The following DCAF8L2 variants were observed in gnomAD, a reference collection of about 807,000 sequenced individuals.
The protein encoded by DCAF8L2 is DDB1- and CUL4-associated factor 8-like protein 2.
For synonymous variants in DCAF8L2, 200 were observed against 190.9 expected, an observed-to-expected ratio of 1.05 and a Z score of -0.39; for missense variants, 430 against 490.7, an observed-to-expected ratio of 0.88 and a Z score of 1.17.
At chrX:27,533,228 AAGAAAG>A in the DCAF8L2 span, among the ~76,000 whole-genome samples, 946 of 42,676 alleles carry the variant, frequency 0.022, 63 homozygotes, top group East Asian at 0.026. Flanking sequence ...GAAAGAAAGA[AAGAAAG>A]AGAAAGAAAG....
At chrX:27,693,660 C>T (rs758799934) in intron 3 of DCAF8L2, among the ~76,000 whole-genome samples, 1 of 111,355 alleles carries the variant, frequency 9.0e-6, no homozygotes, top group East Asian at 2.8e-4. Flanking sequence ...ACCACAATGA[C>T]ATATTATCTC....
the DCAF8L2 span, among the ~76,000 whole-genome samples, chrX:27,508,667 T>C: frequency 9.6e-6 from 1 of 103,942 alleles, no homozygotes; most frequent in Non-Finnish European, 2.0e-5. Flanking sequence ...TTTTGACTTG[T>C]TAATGAAGTC....
At chrX:27,502,336 ATATATATATATATATATAT>A in the DCAF8L2 span, among the ~76,000 whole-genome samples, 1 of 10,905 alleles carries the variant, frequency 9.2e-5, no homozygotes, top group Non-Finnish European at 1.7e-4. Flanking sequence ...AAAAAAAAAA[ATATATATATATATATATAT>A]ATATATATAT....
the DCAF8L2 span, among the ~76,000 whole-genome samples, chrX:27,577,294 G>A: frequency 9.0e-6 from 1 of 111,355 alleles, no homozygotes; most frequent in Non-Finnish European, 1.9e-5. Context: ...TATGTCTCTT[G>A]GTATTGCCAG....
At chrX:27,514,294 CATATGTGCACATATGTGT>C in the DCAF8L2 span, among the ~76,000 whole-genome samples, 1 of 59,057 alleles carries the variant, frequency 1.7e-5, no homozygotes, top group African/African-American at 4.1e-5. Context: ...TATGTGTGTG[CATATGTGCACATATGTGT>C]ATATGGTAAT....
At chrX:27,701,074 C>T (rs5926481) in intron 3 of DCAF8L2, among the ~76,000 whole-genome samples, 56,041 of 109,956 alleles carry the variant, frequency 0.51, 10,723 homozygotes, top group African/African-American at 0.67. Context: ...CAGGAGGCTT[C>T]TTCATGATAG....
At chrX:27,546,701 C>T in the DCAF8L2 span, among the ~76,000 whole-genome samples, 1 of 112,608 alleles carries the variant, frequency 8.9e-6, no homozygotes, top group Non-Finnish European at 1.9e-5. Flanking sequence ...GGCTGTTACC[C>T]TCTGAAGCAA....
intron 1 of DCAF8L2, among the ~76,000 whole-genome samples, chrX:27,609,069 T>G (rs1424890224): frequency 9.0e-6 from 1 of 111,688 alleles, no homozygotes; most frequent in African/African-American, 3.3e-5. Flanking sequence ...AGACTTAACA[T>G]GTATTATGCT....
chrX:27,623,873 C>G (rs1226619398), intron 1 of DCAF8L2, among the ~76,000 whole-genome samples: 1 of 111,701 alleles, frequency 9.0e-6, no homozygotes, highest in Non-Finnish European at 1.9e-5. Flanking sequence ...AAAGCTACAA[C>G]ATTGAAATTG....
chrX:27,561,058 C>T, the DCAF8L2 span, among the ~76,000 whole-genome samples: 1,018 of 112,125 alleles, frequency 9.1e-3, 8 homozygotes, highest in African/African-American at 0.032. Context: ...GTGAAATATG[C>T]TGCTTTTAGA....
At chrX:27,736,259 T>A (rs917106309) in intron 4 of DCAF8L2, among the ~76,000 whole-genome samples, 14 of 111,683 alleles carry the variant, frequency 1.3e-4, no homozygotes, top group Non-Finnish European at 2.6e-4. Context: ...TTCCCGGCAG[T>A]CAACAATGAA....
chrX:27,533,206 GAAAGAAAGAA>G, the DCAF8L2 span, among the ~76,000 whole-genome samples: 3 of 48,721 alleles, frequency 6.2e-5, 1 homozygote, highest in African/African-American at 1.6e-4. Context: ...AAGAAAGAAA[GAAAGAAAGAA>G]AGAAAGAAAG....
the DCAF8L2 span, among the ~76,000 whole-genome samples, chrX:27,480,073 C>G: frequency 3.6e-5 from 4 of 112,649 alleles, no homozygotes; most frequent in African/African-American, 1.3e-4. Flanking sequence ...CACACCACCA[C>G]ATTAACTGTG....
At chrX:27,503,567 A>AT in the DCAF8L2 span, among the ~76,000 whole-genome samples, 1 of 109,628 alleles carries the variant, frequency 9.1e-6, no homozygotes, top group Non-Finnish European at 1.9e-5. Context: ...ATTGAATTGC[A>AT]TTTTCACTTT....
chrX:27,705,084 C>G, intron 3 of DCAF8L2, among the ~76,000 whole-genome samples: 1 of 110,525 alleles, frequency 9.0e-6, no homozygotes, highest in Non-Finnish European at 1.9e-5. Context: ...TGTTAGTTTT[C>G]AAAAGAAAAT....
intron 3 of DCAF8L2, among the ~76,000 whole-genome samples, chrX:27,699,048 GATTAT>G (rs1206373310): frequency 1.8e-5 from 2 of 111,720 alleles, no homozygotes; most frequent in African/African-American, 6.5e-5. Flanking sequence ...AAGCCATGGT[GATTAT>G]ATTATAACAA....
the DCAF8L2 span, among the ~76,000 whole-genome samples, chrX:27,560,267 CAAAAA>C: frequency 1.2e-5 from 1 of 81,461 alleles, no homozygotes; most frequent in African/African-American, 4.6e-5. Flanking sequence ...ATATCCATCT[CAAAAA>C]AAAAAAAAAA....
chrX:27,663,386 T>A (rs6653774), intron 2 of DCAF8L2, among the ~76,000 whole-genome samples: 14,788 of 111,564 alleles, frequency 0.13, 805 homozygotes, highest in African/African-American at 0.19. Context: ...GGTGCCATTT[T>A]CCAACAGCAT....
At chrX:27,636,658 A>T (rs1235112154) in intron 2 of DCAF8L2, among the ~76,000 whole-genome samples, 1 of 111,821 alleles carries the variant, frequency 8.9e-6, no homozygotes, top group East Asian at 2.8e-4. Flanking sequence ...TAATTCTGGA[A>T]AATTAAATAG....
Sources: allele counts gnomAD v4.1 joint callset (sites outside exome capture counted in the v4.1 genomes callset), GRCh38; gene constraint gnomAD v4.1.1; transcripts MANE v1.5; gene names NCBI Gene and HGNC (gene_info 2026-07-23, HGNC 2026-07-21).